The following CTIF variants were observed in gnomAD, a reference collection of about 807,000 sequenced individuals.
The protein encoded by CTIF is CBP80/20-dependent translation initiation factor.
CTIF carries 21 observed loss-of-function variants against 66.0 expected under a neutral mutation model. That is an observed-to-expected ratio of 0.32 (90% CI 0.23 to 0.46). The LOEUF is 0.46. CTIF is among the 20% of genes least tolerant of loss of function. CTIF has a pLI of 1.00. For missense variants in CTIF, 739 were observed against 812.7 expected (o/e 0.91, Z 1.10); for synonymous variants, 345 against 326.4 (o/e 1.06, Z -0.62).
intron 3 of CTIF, among the ~76,000 whole-genome samples, chr18:48,646,669 C>T (rs912687994): frequency 6.6e-6 from 1 of 151,344 alleles, no homozygotes; most frequent in Non-Finnish European, 1.5e-5. Context: ...ATCACTTGAG[C>T]CTGGGAGGTG....
At chr18:48,846,902 G>C (rs867165399) in intron 10 of CTIF, among the ~76,000 whole-genome samples, 1 of 152,110 alleles carries the variant, frequency 6.6e-6, no homozygotes. Flanking sequence ...TGGATAAAAG[G>C]GTGGATGAGT....
At chr18:48,819,869 T>C (rs1426739948) in intron 10 of CTIF, among the ~76,000 whole-genome samples, 1 of 152,208 alleles carries the variant, frequency 6.6e-6, no homozygotes, top group Non-Finnish European at 1.5e-5. Context: ...GAGCTTTGGC[T>C]TCCTCATCTG....
chr18:48,697,907 C>A (rs900878597), intron 6 of CTIF, among the ~76,000 whole-genome samples: 3 of 151,310 alleles, frequency 2.0e-5, no homozygotes, highest in Non-Finnish European at 4.4e-5. Context: ...TGCATCCTAG[C>A]CCTTGAGTCC....
intron 10 of CTIF, among the ~76,000 whole-genome samples, chr18:48,835,957 T>C (rs903456908): frequency 1.3e-5 from 2 of 152,166 alleles, no homozygotes; most frequent in African/African-American, 4.8e-5. Flanking sequence ...TTTGCATTTG[T>C]CATTCTACCC....
chr18:48,749,054 A>G (rs527817934), intron 7 of CTIF, among the ~76,000 whole-genome samples: 1 of 152,236 alleles, frequency 6.6e-6, no homozygotes, highest in Non-Finnish European at 1.5e-5. Context: ...GATTTTAAAT[A>G]ACTTTTAGGC....
In CTIF at chr18:48,761,403, T is replaced by C. The variant is rs980392292; in HGVS notation, c.1085T>C (p.Val362Ala). The C allele has an allele frequency of 6.2e-7, 1 of 1,613,108 alleles. No individual in the cohort carries two copies. Among genetic ancestry groups the C allele is most frequent in the Non-Finnish European group, 8.5e-7 (1 of 1,179,464 alleles). The change falls in exon 9 of 12, where the codon GTG (valine) becomes GCG (alanine). Residue 362 changes from valine (V) to alanine (A), a missense_variant. Val to Ala is a moderately conservative substitution (Grantham distance 64). Coordinates refer to ENST00000256413, the MANE Select transcript of CTIF (RefSeq NM_014772.3). The surrounding 1 kb of genome is among the most constrained non-coding windows in gnomAD (Gnocchi z 4.2). Reference sequence around the variant, plus strand: ...CGACACCCCCAGGATGAAGTGGCCGTGGAGACGACCACTCCCCAGCAGAAC... The same window carrying C: ...CGACACCCCCAGGATGAAGTGGCCGCGGAGACGACCACTCCCCAGCAGAAC... ...RRLKEKDEVA[V>A]ETTTPQQNKM...
chr18:48,715,118 C>CT (rs2092267137), intron 7 of CTIF, among the ~76,000 whole-genome samples: 1 of 152,206 alleles, frequency 6.6e-6, no homozygotes, highest in Non-Finnish European at 1.5e-5. Flanking sequence ...TTTTAAAGCC[C>CT]TACCCACACT....
chr18:48,757,014 AG>A (rs1908429543), intron 7 of CTIF, among the ~76,000 whole-genome samples: 1 of 152,156 alleles, frequency 6.6e-6, no homozygotes, highest in East Asian at 1.9e-4. Flanking sequence ...TCCAAGATGA[AG>A]GTGTCGGTGG....
At chr18:48,658,358 C>A (rs927942573) in intron 3 of CTIF, among the ~76,000 whole-genome samples, 2 of 151,696 alleles carry the variant, frequency 1.3e-5, no homozygotes, top group African/African-American at 4.9e-5. Flanking sequence ...ATGTGATGTG[C>A]ACATATAGTT....
chr18:48,854,326 G>A (rs764969128), intron 10 of CTIF, among the ~76,000 whole-genome samples: 17 of 152,160 alleles, frequency 1.1e-4, no homozygotes, highest in Non-Finnish European at 1.9e-4. Context: ...AGGATGGAGA[G>A]CCCCAAAGAT....
At chr18:48,820,744 C>T (rs547920177) in intron 10 of CTIF, among the ~76,000 whole-genome samples, 2 of 152,340 alleles carry the variant, frequency 1.3e-5, no homozygotes, top group Admixed American at 1.3e-4. Context: ...CCGGGGCTCC[C>T]CTGCAGTGCT....
chr18:48,713,067 G>A (rs1310281157), intron 7 of CTIF, among the ~76,000 whole-genome samples: 2 of 152,200 alleles, frequency 1.3e-5, no homozygotes, highest in South Asian at 2.1e-4. Context: ...ACAGTTTATC[G>A]CATCGTGTGT....
At chr18:48,659,913 C>T (rs35201119) in intron 3 of CTIF, among the ~76,000 whole-genome samples, 10,849 of 152,116 alleles carry the variant, frequency 0.071, 433 homozygotes, top group South Asian at 0.097. Context: ...TGGATGTAGG[C>T]TCTTGATGTC....
intron 7 of CTIF, among the ~76,000 whole-genome samples, chr18:48,740,237 G>C (rs939125520): frequency 1.3e-5 from 2 of 152,178 alleles, no homozygotes; most frequent in Non-Finnish European, 2.9e-5. Flanking sequence ...TTGGCAGCCT[G>C]TGACCCAGCC....
At chr18:48,773,793 G>A (rs1328619187) in intron 9 of CTIF, among the ~76,000 whole-genome samples, 2 of 151,158 alleles carry the variant, frequency 1.3e-5, no homozygotes, top group Admixed American at 6.6e-5. Context: ...GTTGCCCTTC[G>A]CCCATACCAA....
Position 48,757,943 on chromosome 18 carries a change from C to T in CTIF, c.609C>T (p.Gly203=). The T allele has an allele frequency of 6.2e-7, 1 of 1,612,914 alleles. No individual in the cohort carries two copies. Among genetic ancestry groups the T allele is most frequent in the Non-Finnish European group, 8.5e-7 (1 of 1,179,304 alleles). ...GGCGGCAGCAGAGACCTCCGGGGGG[C>T]AACAAGCCCCAACAGCATGGTGACC... ...DRRRQQRPPG[G]NKPQQHGDHQ... Residue 203 remains glycine, a synonymous_variant, in exon 8 of 12, where the codon GGC becomes GGT. Transcript: ENST00000256413.
At chr18:48,580,587 A>G (rs904457560) in intron 1 of CTIF, among the ~76,000 whole-genome samples, 1 of 152,152 alleles carries the variant, frequency 6.6e-6, no homozygotes, top group Non-Finnish European at 1.5e-5. Context: ...CCCATGACCC[A>G]TTGGTGGGAG....
chr18:48,739,048 C>T (rs74449705), intron 7 of CTIF, among the ~76,000 whole-genome samples: 108 of 152,286 alleles, frequency 7.1e-4, no homozygotes, highest in Non-Finnish European at 1.4e-3. Flanking sequence ...AAGGAAAGGT[C>T]AGCTCCCACT....
chr18:48,645,382 C>T (rs569936736), intron 3 of CTIF, among the ~76,000 whole-genome samples: 1 of 151,548 alleles, frequency 6.6e-6, no homozygotes, highest in African/African-American at 2.4e-5. Context: ...AGGAAAAGAT[C>T]TAGCAAAACA....
Sources: gnomAD v4.1 joint callset for allele counts (sites outside exome capture counted in the v4.1 genomes callset) on GRCh38, gnomAD v4.1.1 for gene constraint, Gnocchi (gnomAD v3.1) non-coding constraint, MANE v1.5 for transcripts, NCBI Gene and HGNC (gene_info 2026-07-23, HGNC 2026-07-21) for gene names.